GNG7: variants seen among roughly 807,000 people sequenced by gnomAD.
GNG7 encodes the protein G protein subunit gamma 7, also known as guanine nucleotide-binding protein G(I)/G(S)/G(O) subunit gamma-7.
GNG7 carries 1 observed loss-of-function variant against 4.0 expected under a neutral mutation model. The ratio of observed to expected loss-of-function variants is 0.25; its 90% CI spans 0.09 to 1.18. GNG7 has a LOEUF of 1.18. GNG7 is among the 50% of genes most tolerant of loss of function. The pLI is 0.50. For synonymous variants in GNG7, 34 were observed against 36.9 expected (o/e 0.92, Z 0.29); for missense variants, 86 against 91.9 (o/e 0.94, Z 0.26).
intron 1 of GNG7, among the ~76,000 whole-genome samples, chr19:2,685,486 G>A (rs1206139460): frequency 3.9e-5 from 6 of 151,994 alleles, no homozygotes; most frequent in African/African-American, 7.2e-5. Flanking sequence ...TCAGCCGGGC[G>A]TGGTGGCATG....
At chr19:2,576,613 CA>C (rs1980350272) in intron 2 of GNG7, among the ~76,000 whole-genome samples, 1 of 152,148 alleles carries the variant, frequency 6.6e-6, no homozygotes, top group Non-Finnish European at 1.5e-5. Context: ...GGGGTGCAAT[CA>C]CAGCTCAATG....
chr19:2,607,848 G>A (rs752933698), intron 2 of GNG7, among the ~76,000 whole-genome samples: 35 of 152,142 alleles, frequency 2.3e-4, no homozygotes, highest in Non-Finnish European at 2.2e-4. Context: ...GCTCACCAAC[G>A]ACACGGCACG....
chr19:2,584,621 GAGGA>G (rs199854520), intron 2 of GNG7, among the ~76,000 whole-genome samples: 3,179 of 107,702 alleles, frequency 0.03, 274 homozygotes, highest in East Asian at 0.25. Context: ...GGGAAGGAAG[GAGGA>G]AGGAAGGAAG....
At chr19:2,535,594 C>G (rs1017370544) in intron 3 of GNG7, among the ~76,000 whole-genome samples, 1 of 152,100 alleles carries the variant, frequency 6.6e-6, no homozygotes, top group East Asian at 1.9e-4. Context: ...GGGGCTATGC[C>G]TGTCTTTGCA....
chr19:2,605,837 T>C (rs1394643016), intron 2 of GNG7, among the ~76,000 whole-genome samples: 2 of 152,048 alleles, frequency 1.3e-5, no homozygotes, highest in Non-Finnish European at 2.9e-5. Flanking sequence ...TAAGGACATT[T>C]GTAATTGTTT....
At chr19:2,664,100 G>A (rs866469599) in intron 1 of GNG7, among the ~76,000 whole-genome samples, 1 of 151,940 alleles carries the variant, frequency 6.6e-6, no homozygotes. Context: ...ATCCTCCACC[G>A]CCCCCCAGGC....
At chr19:2,658,836 G>A (rs563707481) in intron 1 of GNG7, among the ~76,000 whole-genome samples, 1 of 152,266 alleles carries the variant, frequency 6.6e-6, no homozygotes, top group Non-Finnish European at 1.5e-5. Flanking sequence ...GTACCTTTTC[G>A]GGGAGAGGAG....
At chr19:2,667,152 C>T (rs1983331532) in intron 1 of GNG7, among the ~76,000 whole-genome samples, 1 of 151,924 alleles carries the variant, frequency 6.6e-6, no homozygotes, top group Admixed American at 6.6e-5. Context: ...AAACCCAACC[C>T]GTCTCTATTA....
At chr19:2,656,969 G>C (rs1055677197) in intron 1 of GNG7, among the ~76,000 whole-genome samples, 3 of 152,048 alleles carry the variant, frequency 2.0e-5, no homozygotes, top group Non-Finnish European at 2.9e-5. Context: ...ATCCTCTGGG[G>C]GTGGGGCAGC....
At chr19:2,643,647 C>T (rs372810849) in intron 2 of GNG7, 2 of 455,628 alleles carry the variant, frequency 4.4e-6, no homozygotes, top group Non-Finnish European at 8.8e-6. Context: ...GCTCTGCACA[C>T]CTTCCAGCCC....
intron 1 of GNG7, among the ~76,000 whole-genome samples, chr19:2,649,478 C>T (rs1470829103): frequency 6.6e-6 from 1 of 151,018 alleles, no homozygotes; most frequent in Admixed American, 6.6e-5. Context: ...CAAGCTCCAC[C>T]TCCCAGGTTC....
rs894757286 is a variant in GNG7 at position 2,557,292 on chromosome 19, C to G, written c.-77-2104G>C. Among the ~76,000 whole-genome samples, 1 of 151,520 alleles carries G rather than the reference C, an allele frequency of 6.6e-6. No individual in the cohort carries two copies. Among genetic ancestry groups the G allele is most frequent in the Non-Finnish European group, 1.5e-5 (1 of 67,930 alleles). On this transcript the variant is annotated intron_variant, in intron 2 of 4. Transcript: ENST00000382159. The surrounding 1 kb of genome is among the most constrained non-coding windows in gnomAD (Gnocchi z 5.1). ...TTGCACACACAGACACGTGCACACA[C>G]AGAGGTGCACATACACGCACAGACA...
In GNG7 at chr19:2,546,415, G is replaced by C. The variant is rs1179341041; in HGVS notation, c.-38+8734C>G. On this transcript the variant is annotated intron_variant, in intron 3 of 4. Coordinates refer to ENST00000382159, the MANE Select transcript of GNG7 (RefSeq NM_052847.3). This position sits in a 1 kb window ranked among gnomAD's most constrained non-coding sequence, Gnocchi z 6.3. ...TGGTGGCTCTGTGACCTCAAGGCAG[G>C]GCCGTGGGGCCCAGGGCTGCGGGCG... Among the ~76,000 whole-genome samples the C allele has an allele frequency of 6.6e-6, 1 of 152,258 alleles. No homozygotes were observed. The highest frequency in any genetic ancestry group is 1.5e-5 in the Non-Finnish European group (1 of 68,034).
intron 3 of GNG7, among the ~76,000 whole-genome samples, chr19:2,553,652 CAT>C (rs1979426571): frequency 1.8e-5 from 2 of 110,172 alleles, no homozygotes; most frequent in East Asian, 2.8e-4. Context: ...TGTTATATTA[CAT>C]ACATGCACAC....
intron 3 of GNG7, among the ~76,000 whole-genome samples, chr19:2,535,952 C>T (rs981591455): frequency 6.6e-6 from 1 of 151,848 alleles, no homozygotes; most frequent in African/African-American, 2.4e-5. Flanking sequence ...AGAGTGAAAC[C>T]CCACCTGTAC....
intron 2 of GNG7, chr19:2,642,103 G>A (rs1161394056): frequency 6.4e-6 from 1 of 157,250 alleles, no homozygotes; most frequent in African/African-American, 2.4e-5. Flanking sequence ...TAGCAGCTCC[G>A]ATCCAGGCCC....
chr19:2,590,866 C>T (rs993632384), intron 2 of GNG7, among the ~76,000 whole-genome samples: 3 of 151,422 alleles, frequency 2.0e-5, no homozygotes. Flanking sequence ...CCCATCCATT[C>T]ACCCATCCAT....
chr19:2,535,117 C>A (rs1042031800), intron 3 of GNG7, among the ~76,000 whole-genome samples: 5 of 152,142 alleles, frequency 3.3e-5, no homozygotes, highest in African/African-American at 1.2e-4. Context: ...TCTCTCATGG[C>A]CCTCTGTTTC....
At chr19:2,643,714 C>T (rs567222160) in intron 2 of GNG7, 6 of 447,036 alleles carry the variant, frequency 1.3e-5, no homozygotes, top group African/African-American at 1.2e-4. Flanking sequence ...CACTGGGGTG[C>T]AGTTACACAC....
Sources: allele counts gnomAD v4.1 joint callset (sites outside exome capture counted in the v4.1 genomes callset), GRCh38; gene constraint gnomAD v4.1.1; non-coding constraint Gnocchi (gnomAD v3.1); transcripts MANE v1.5; gene names NCBI Gene and HGNC (gene_info 2026-07-23, HGNC 2026-07-21).